The following PPARGC1B variants were observed in gnomAD, a reference collection of about 807,000 sequenced individuals.
The protein encoded by PPARGC1B is peroxisome proliferator-activated receptor gamma coactivator 1-beta.
PPARGC1B carries 34 observed loss-of-function variants against 101.6 expected under a neutral mutation model. The ratio of observed to expected loss-of-function variants is 0.33; its 90% CI spans 0.25 to 0.45. The LOEUF is 0.45. Among genes scored for constraint, PPARGC1B ranks in the 20% least tolerant of loss-of-function variants. The pLI is 1.00. For missense variants in PPARGC1B, 1,234 were observed against 1,317.6 expected (o/e 0.94, Z 0.98); for synonymous variants, 548 against 539.3 (o/e 1.02, Z -0.22).
intron 1 of PPARGC1B, among the ~76,000 whole-genome samples, chr5:149,733,752 G>T (rs1236498218): frequency 1.3e-5 from 2 of 152,168 alleles, no homozygotes; most frequent in African/African-American, 4.8e-5. Context: ...GACCCCAAAG[G>T]CCACACAGCA....
intron 9 of PPARGC1B, 30 bp downstream of exon 9, chr5:149,840,146 G>T (rs1376781234): frequency 6.3e-7 from 1 of 1,597,548 alleles, no homozygotes; most frequent in Admixed American, 1.7e-5. Context: ...AGAGCCTGGA[G>T]TGAATGGGAA....
chr5:149,792,593 C>T (rs1345553168), intron 1 of PPARGC1B, among the ~76,000 whole-genome samples: 2 of 152,192 alleles, frequency 1.3e-5, no homozygotes, highest in African/African-American at 4.8e-5. Flanking sequence ...ACTTTTGCTT[C>T]TCTTTTAAAT....
intron 8 of PPARGC1B, among the ~76,000 whole-genome samples, chr5:149,838,436 C>T (rs909478498): frequency 2.0e-5 from 3 of 152,208 alleles, no homozygotes; most frequent in Non-Finnish European, 4.4e-5. Context: ...TTTCTGGCTC[C>T]ATTCTTTCCC....
intron 1 of PPARGC1B, among the ~76,000 whole-genome samples, chr5:149,779,876 T>C (rs1225124430): frequency 1.3e-5 from 2 of 152,056 alleles, no homozygotes; most frequent in Non-Finnish European, 2.9e-5. Flanking sequence ...TGCTCCATGA[T>C]TGAGAAAGGA....
chr5:149,784,626 G>A (rs1470072745), intron 1 of PPARGC1B, among the ~76,000 whole-genome samples: 1 of 144,476 alleles, frequency 6.9e-6, no homozygotes, highest in Non-Finnish European at 1.5e-5. Flanking sequence ...GGAGTGCAGT[G>A]GCGCAATCTC....
chr5:149,767,732 C>T (rs976154052), intron 1 of PPARGC1B, among the ~76,000 whole-genome samples: 2 of 151,952 alleles, frequency 1.3e-5, no homozygotes, highest in African/African-American at 4.8e-5. Context: ...AGCTGGACTC[C>T]ACTCCTCTGG....
intron 1 of PPARGC1B, among the ~76,000 whole-genome samples, chr5:149,765,149 A>C (rs1755860571): frequency 6.6e-6 from 1 of 152,248 alleles, no homozygotes; most frequent in Non-Finnish European, 1.5e-5. Flanking sequence ...AAGTTAGGAG[A>C]GGCGTCCTCC....
chr5:149,835,958 CTTTTTTTTTTT>C lies in PPARGC1B; in HGVS notation c.1808-298_1808-288del. Among the ~76,000 whole-genome samples the C allele has an allele frequency of 3.1e-5, 4 of 128,072 alleles. No individual in the cohort carries two copies. In the South Asian group the frequency reaches 1.1e-3, roughly 35 times the overall value. The allele number at this position is 128,072 out of a possible 152,430, so 84.0% of individuals were successfully genotyped here. A position where few individuals can be genotyped will look rare whatever the true frequency, so the allele number is the denominator to read the frequency against. ...TCCCAAACTAGGGTCTTTTTTTTTT[CTTTTTTTTTTT>C]TTTTTTGAGACATAGTCTTACTATG... On this transcript the variant is annotated intron_variant, in intron 7 of 11. Transcript: ENST00000309241.
chr5:149,845,801 A>G lies in PPARGC1B; in HGVS notation c.2858A>G (p.His953Arg), dbSNP rs756275737. Residue 953 changes from histidine to arginine, a missense_variant, in exon 11 of 12, where the codon CAC becomes CGC. His to Arg is a conservative substitution (Grantham distance 29). Transcript: ENST00000309241. ...TTCATCACCTACCGGTGTTCTGAGC[A>G]CGCGGCCCTCTCTTTGACAAAGGGC... ...YGFITYRCSEHAALSLTKGAA... is the reference protein window; with the variant it reads ...YGFITYRCSERAALSLTKGAA... 6.2e-7 allele frequency: 1 copy of G among 1,613,976 alleles called. No individual in the cohort carries two copies. The highest frequency in any genetic ancestry group is 8.5e-7 in the Non-Finnish European group (1 of 1,179,858).
intron 1 of PPARGC1B, among the ~76,000 whole-genome samples, chr5:149,795,955 A>G (rs1024792829): frequency 7.2e-5 from 11 of 152,126 alleles, no homozygotes; most frequent in African/African-American, 2.7e-4. Context: ...GACATGATGC[A>G]TGTCAAGAGC....
intron 1 of PPARGC1B, among the ~76,000 whole-genome samples, chr5:149,766,044 G>T (rs1183699709): frequency 6.6e-6 from 1 of 152,144 alleles, no homozygotes; most frequent in Non-Finnish European, 1.5e-5. Context: ...TAGAAATGTT[G>T]TGATTACTAA....
chr5:149,846,284 G>A, intron 11 of PPARGC1B: 1 of 444,136 alleles, frequency 2.3e-6, no homozygotes, highest in Admixed American at 3.9e-5. Context: ...CCCCAGACAA[G>A]GCAGCAGCCA....
At chr5:149,776,771 G>T (rs959365409) in intron 1 of PPARGC1B, among the ~76,000 whole-genome samples, 3 of 152,256 alleles carry the variant, frequency 2.0e-5, no homozygotes, top group Non-Finnish European at 4.4e-5. Context: ...CCACTTGCTA[G>T]CTCTGGGGCT....
intron 1 of PPARGC1B, among the ~76,000 whole-genome samples, chr5:149,808,334 C>T (rs1318016918): frequency 6.6e-6 from 1 of 152,170 alleles, no homozygotes; most frequent in Non-Finnish European, 1.5e-5. Flanking sequence ...GGTCCCCAGG[C>T]CCTGGGGTCC....
rs1454136753 is a variant in PPARGC1B at position 149,847,593 on chromosome 5, C to T, written c.*35C>T. 6.8e-7 allele frequency: 1 copy of T among 1,467,986 alleles called. No homozygotes were observed. The highest frequency in any genetic ancestry group is 9.5e-7 in the Non-Finnish European group (1 of 1,047,842). The allele number at this position is 1,467,986 out of a possible 1,614,324, so 90.9% of individuals were successfully genotyped here. ...TAACCCTCGAGGAATACCTCAATACCTCAGACAAGGCCCTTCCAATATGTT... is the reference window on the plus strand; with the variant it reads ...TAACCCTCGAGGAATACCTCAATACTTCAGACAAGGCCCTTCCAATATGTT... On this transcript the variant is annotated 3_prime_UTR_variant, in exon 12 of 12. Transcript: ENST00000309241.
At chr5:149,812,580 A>G (rs1043792080) in intron 1 of PPARGC1B, among the ~76,000 whole-genome samples, 1 of 152,246 alleles carries the variant, frequency 6.6e-6, no homozygotes, top group Non-Finnish European at 1.5e-5. Flanking sequence ...GCACAGCTGA[A>G]TCCAAGTGCT....
At chr5:149,772,140 G>A in intron 1 of PPARGC1B, 1 of 1,605,278 alleles carries the variant, frequency 6.2e-7, no homozygotes, top group Non-Finnish European at 8.5e-7. Context: ...CAGAGCAATG[G>A]TAGGTGTTGG....
Position 149,820,435 on chromosome 5 carries a change from T to G in PPARGC1B, c.81T>G (p.Gly27=). 1 of 1,613,674 alleles carries G rather than the reference T, an allele frequency of 6.2e-7. No homozygotes were observed. Among genetic ancestry groups the G allele is most frequent in the Non-Finnish European group, 8.5e-7 (1 of 1,179,854 alleles). The part of the protein sequence containing the change: ...FFLNYLADTQ[G]GGSGEEQLYA... ...CTCTTTCCTTCCTGTCTCCTCAGGG[T>G]GGAGGGTCCGGGGAGGAGCAACTCT... is the stretch of plus-strand genomic sequence containing the variant. The change falls in exon 2 of 12, where the codon GGT becomes GGG. Residue 27 remains glycine (G), a splice_region_variant and synonymous_variant. Coordinates refer to ENST00000309241, the MANE Select transcript of PPARGC1B (RefSeq NM_133263.4).
intron 1 of PPARGC1B, among the ~76,000 whole-genome samples, chr5:149,814,183 A>C (rs531995926): frequency 1.3e-5 from 2 of 152,304 alleles, no homozygotes; most frequent in South Asian, 4.2e-4. Flanking sequence ...CTAGGTGGCA[A>C]GAAACAATGT....
Sources: allele counts gnomAD v4.1 joint callset (sites outside exome capture counted in the v4.1 genomes callset), GRCh38; gene constraint gnomAD v4.1.1; transcripts MANE v1.5; gene names NCBI Gene and HGNC (gene_info 2026-07-23, HGNC 2026-07-21).